CABIN1: variants seen among roughly 807,000 people sequenced by gnomAD.
CABIN1 encodes calcineurin binding protein 1, also known as calcineurin-binding protein cabin-1.
CABIN1 carries 133 observed loss-of-function variants against 227.7 expected under a neutral mutation model. That is an observed-to-expected ratio of 0.58 (90% CI 0.51 to 0.67). CABIN1 has a LOEUF of 0.67. Among genes scored for constraint, CABIN1 ranks in the 30% least tolerant of loss-of-function variants. CABIN1 has a pLI of 0.00. For missense variants in CABIN1, 2,408 were observed against 2,852.5 expected, an observed-to-expected ratio of 0.84 and a Z score of 3.55; for synonymous variants, 1,086 against 1,155.1, an observed-to-expected ratio of 0.94 and a Z score of 1.21.
At chr22:24,058,812 G>C (rs2038984900) in intron 10 of CABIN1, among the ~76,000 whole-genome samples, 1 of 152,198 alleles carries the variant, frequency 6.6e-6, no homozygotes, top group East Asian at 1.9e-4. Context: ...CTCTAAAGCA[G>C]GGCCCTTTTG....
intron 24 of CABIN1, among the ~76,000 whole-genome samples, chr22:24,095,309 C>T (rs1227625725): frequency 5.3e-5 from 8 of 152,216 alleles, no homozygotes; most frequent in South Asian, 2.1e-4. Flanking sequence ...TGGGCATTCC[C>T]GGCTGTGGGG....
chr22:24,038,264 T>G, intron 3 of CABIN1, 84 bp from the exon 4 acceptor site: 1 of 1,064,366 alleles, frequency 9.4e-7, no homozygotes, highest in Non-Finnish European at 1.5e-6. Context: ...TTCCTCTGAC[T>G]GTAGCCCCGC....
At chr22:24,107,758 G>A (rs1214294847) in intron 26 of CABIN1, among the ~76,000 whole-genome samples, 2 of 152,190 alleles carry the variant, frequency 1.3e-5, no homozygotes, top group Non-Finnish European at 2.9e-5. Context: ...CACCAAATTG[G>A]CAATTCCTTT....
At chr22:24,086,278 G>T (rs1049431517) in intron 22 of CABIN1, among the ~76,000 whole-genome samples, 3 of 152,206 alleles carry the variant, frequency 2.0e-5, no homozygotes, top group African/African-American at 7.2e-5. Context: ...CATCTGAAAA[G>T]TGAGGGTGAT....
At chr22:24,082,528 C>G (rs2040876469) in intron 19 of CABIN1, among the ~76,000 whole-genome samples, 1 of 152,150 alleles carries the variant, frequency 6.6e-6, no homozygotes. Context: ...TTGTGTTCAG[C>G]TGAGGATGTG....
chr22:24,169,075 G>T (rs1044828738), intron 33 of CABIN1, among the ~76,000 whole-genome samples: 2 of 152,094 alleles, frequency 1.3e-5, no homozygotes, highest in South Asian at 2.1e-4. Context: ...CTGGGGAGGG[G>T]GGGGCGGGGT....
In CABIN1 at chr22:24,070,793, G is replaced by A. The variant is rs201151776; in HGVS notation, c.2233-7G>A. ...CGTGCACTTCACCTGGCTTCTTGCT[G>A]TACTAGGACTCCTTGCTCCGGCTGA... On this transcript the variant is annotated splice_polypyrimidine_tract_variant and splice_region_variant and intron_variant, in intron 16 of 36. Coordinates refer to ENST00000263119, the MANE Select transcript of CABIN1 (RefSeq NM_012295.4). The A allele has an allele frequency of 1.1e-5, 17 of 1,614,038 alleles. No homozygotes were observed. The Admixed American group carries it at 2.2e-4, about 21-fold the overall frequency.
rs768578678 is a variant in CABIN1 at position 24,050,976 on chromosome 22, T to A, written c.806+2T>A. 1.9e-6 allele frequency: 3 copies of A among 1,614,134 alleles called. No homozygotes were observed. Among genetic ancestry groups the A allele is most frequent in the Non-Finnish European group, 2.5e-6 (3 of 1,180,024 alleles). On this transcript the variant is annotated splice_donor_variant, in intron 8 of 36. Transcript: ENST00000263119. LOFTEE classifies it high-confidence loss of function. ...TGTGCAGCCCATTCCTTTCTTCACG[T>A]AGGTTGTCTAGCGTCTCTGGGAGTG... is the stretch of plus-strand genomic sequence containing the variant.
Position 24,070,972 on chromosome 22 carries a change from G to A in CABIN1, c.2405G>A (p.Ser802Asn), listed in dbSNP as rs769140698. ...ATCGAGCAGGCCCTCTCTGCGGACA[G>A]CAGTGGTAGCATCCTGAAGGTATCA... ...MGIEQALSAD[S>N]SGSILKVSSS... Residue 802 changes from serine to asparagine, a missense_variant, in exon 17 of 37, where the codon AGC (serine) becomes AAC (asparagine). Transcript: ENST00000263119. The A allele has an allele frequency of 1.4e-5, 22 of 1,614,096 alleles. No homozygotes were observed. Among genetic ancestry groups the A allele is most frequent in the South Asian group, 2.2e-5 (2 of 91,088 alleles).
chr22:24,063,905 G>T (rs1198537992), intron 14 of CABIN1, 130 bp from the exon 15 acceptor site: 18 of 1,043,088 alleles, frequency 1.7e-5, no homozygotes, highest in Non-Finnish European at 2.1e-5. Context: ...TCTTAGGGGG[G>T]TACAGTGTAA....
chr22:24,059,154 C>T (rs903814113), intron 10 of CABIN1, 73 bp from the exon 11 acceptor site: 39 of 1,590,730 alleles, frequency 2.5e-5, no homozygotes, highest in Non-Finnish European at 3.4e-5. Context: ...TTTAGTTTCT[C>T]TAACAGGAAG....
chr22:24,064,347 G>A (rs1196650061), intron 15 of CABIN1, among the ~76,000 whole-genome samples, 160 bp downstream of exon 15: 1 of 151,902 alleles, frequency 6.6e-6, no homozygotes, highest in Non-Finnish European at 1.5e-5. Flanking sequence ...CTGGGATTAC[G>A]GGTGCCCGCC....
At chr22:24,150,980 G>A (rs552707588) in intron 29 of CABIN1, among the ~76,000 whole-genome samples, 3 of 152,324 alleles carry the variant, frequency 2.0e-5, no homozygotes, top group African/African-American at 7.2e-5. Context: ...GGGTGACTCT[G>A]TAGGGCAAGC....
intron 29 of CABIN1, chr22:24,155,856 C>T: frequency 2.3e-6 from 1 of 433,030 alleles, no homozygotes; most frequent in Non-Finnish European, 4.1e-6. Context: ...CGGCAGCGGT[C>T]CACAGCCCGC....
At position 24,087,548 on chromosome 22, in the gene CABIN1, G is replaced by A. The variant is rs759606733; in HGVS notation, c.3360G>A (p.Lys1120=). The change falls in exon 23 of 37, where the codon AAG becomes AAA. Residue 1120 remains lysine, a synonymous_variant. Transcript: ENST00000263119. Reference sequence around the variant, plus strand: ...TGAAGAGTGATGGGCCCATTTGGAAGCATGCCACGCCCGTCTTGAACTGCT... The same window carrying A: ...TGAAGAGTGATGGGCCCATTTGGAAACATGCCACGCCCGTCTTGAACTGCT... ...NELKSDGPIW[K]HATPVLNCFR... 3.2e-5 allele frequency: 51 copies of A among 1,614,136 alleles called. No individual in the cohort carries two copies. Among genetic ancestry groups the A allele is most frequent in the Non-Finnish European group, 4.1e-5 (48 of 1,180,056 alleles).
At position 24,031,568 on chromosome 22, in the gene CABIN1, G is replaced by T. The variant is rs1036911734; in HGVS notation, c.-74-3876G>T. ...AGTAAGATAGTGGTGAAAAAAAATCGACCAATGGGTAGTTCCTGAGTGACT... is the reference window on the plus strand; with the variant it reads ...AGTAAGATAGTGGTGAAAAAAAATCTACCAATGGGTAGTTCCTGAGTGACT... On this transcript the variant is annotated intron_variant, in intron 1 of 36. Transcript: ENST00000263119. 2.6e-5 allele frequency among the ~76,000 whole-genome samples: 4 copies of T among 152,248 alleles called. No individual in the cohort carries two copies. The South Asian group carries it at 8.3e-4, about 32-fold the overall frequency.
intron 28 of CABIN1, among the ~76,000 whole-genome samples, chr22:24,121,569 C>T (rs2043412614): frequency 6.6e-6 from 1 of 152,240 alleles, no homozygotes; most frequent in Non-Finnish European, 1.5e-5. Flanking sequence ...GCCTTCTGCA[C>T]CCAGGTGGAC....
At position 24,075,903 on chromosome 22, in the gene CABIN1, T is replaced by C. The variant is rs534595607; in HGVS notation, c.2633-266T>C. On this transcript the variant is annotated intron_variant, in intron 18 of 36. Transcript: ENST00000263119. The stretch of plus-strand genomic sequence containing the variant: ...ATGTCAGCATTGGTTCTCTCTGGGC[T>C]GGTATTTTGATGGATAAAGTGTGCT... Among the ~76,000 whole-genome samples the C allele has an allele frequency of 2.6e-5, 4 of 152,176 alleles. No individual in the cohort carries two copies. In the East Asian group the frequency reaches 7.7e-4, roughly 29 times the overall value.
rs556961558 is a variant in CABIN1 at position 24,163,608 on chromosome 22, G to T, written c.4747-792G>T. Among the ~76,000 whole-genome samples the T allele has an allele frequency of 8.5e-4, 130 of 152,270 alleles. 1 individual carries two copies. The highest frequency in any genetic ancestry group is 3.1e-3 in the African/African-American group (127 of 41,550). The stretch of plus-strand genomic sequence containing the variant: ...AGTTCACTTATTCCAGGCCCCTGAG[G>T]TCCCACCCCAGAGATGGGCCTCCTT... On this transcript the variant is annotated intron_variant, in intron 29 of 36. Coordinates refer to ENST00000263119, the MANE Select transcript of CABIN1 (RefSeq NM_012295.4).
Sources: gnomAD v4.1 joint callset for allele counts (sites outside exome capture counted in the v4.1 genomes callset) on GRCh38, gnomAD v4.1.1 for gene constraint, MANE v1.5 for transcripts, NCBI Gene and HGNC (gene_info 2026-07-23, HGNC 2026-07-21) for gene names.